NDUFS4: variants seen among roughly 807,000 people sequenced by gnomAD.
The protein encoded by NDUFS4 is NADH:ubiquinone oxidoreductase subunit S4.
Under a neutral mutation model 24.3 loss-of-function variants are expected in NDUFS4, and 28 were observed. The ratio of observed to expected loss-of-function variants is 1.15; its 90% CI spans 0.85 to 1.58. The LOEUF is 1.58. Among genes scored for constraint, NDUFS4 ranks in the 40% most tolerant of loss-of-function variants. The pLI is 0.00. For missense variants in NDUFS4, 223 were observed against 207.9 expected, an observed-to-expected ratio of 1.07 and a Z score of -0.45; for synonymous variants, 93 against 69.7, an observed-to-expected ratio of 1.34 and a Z score of -1.67.
At position 53,646,267 on chromosome 5, in the gene NDUFS4, A is replaced by G. The variant is rs745877002; in HGVS notation, c.212A>G (p.His71Arg). ...ITTLTGVPEE[H>R]IKTRKVRIFV... ...ACTTTAACTGGAGTTCCAGAAGAGC[A>G]TATAAAAACTAGAAAAGTCAGGATC... is the stretch of plus-strand genomic sequence containing the variant. The change falls in exon 3 of 5, where the codon CAT (histidine) becomes CGT (arginine). Residue 71 changes from histidine to arginine, a missense_variant. Coordinates refer to ENST00000296684, the MANE Select transcript of NDUFS4 (RefSeq NM_002495.4). 106 of 1,612,942 alleles carry G rather than the reference A, an allele frequency of 6.6e-5. No individual in the cohort carries two copies. The highest frequency in any genetic ancestry group is 8.6e-5 in the Non-Finnish European group (102 of 1,179,212).
chr5:53,591,461 T>TTG (rs1491299426), intron 1 of NDUFS4, among the ~76,000 whole-genome samples: 28 of 81,218 alleles, frequency 3.4e-4, no homozygotes, highest in African/African-American at 7.0e-4. Context: ...TTGTTTTTTT[T>TTG]GGGGGGGGGG....
At chr5:53,593,398 G>T (rs1361977298) in intron 1 of NDUFS4, among the ~76,000 whole-genome samples, 1 of 150,152 alleles carries the variant, frequency 6.7e-6, no homozygotes, top group African/African-American at 2.5e-5. Context: ...ATATATTAGG[G>T]CTTTGTCTCT....
intron 2 of NDUFS4, among the ~76,000 whole-genome samples, chr5:53,608,982 T>C (rs1750614257): frequency 2.0e-5 from 3 of 152,210 alleles, no homozygotes; most frequent in South Asian, 2.1e-4. Context: ...CTAGGTGCTC[T>C]CTGAATATTA....
chr5:53,678,411 C>T (rs934622807), intron 4 of NDUFS4, among the ~76,000 whole-genome samples: 3 of 152,092 alleles, frequency 2.0e-5, no homozygotes, highest in African/African-American at 7.2e-5. Flanking sequence ...GGCTACTCTC[C>T]TCTAGAAAGT....
chr5:53,669,334 G>T (rs1226846391), intron 4 of NDUFS4, among the ~76,000 whole-genome samples: 1 of 152,162 alleles, frequency 6.6e-6, no homozygotes, highest in Non-Finnish European at 1.5e-5. Flanking sequence ...AGTTTTGTCT[G>T]TGTTCCAACT....
chr5:53,598,136 T>A (rs1381354719), intron 1 of NDUFS4, among the ~76,000 whole-genome samples: 1 of 151,930 alleles, frequency 6.6e-6, no homozygotes, highest in Non-Finnish European at 1.5e-5. Flanking sequence ...GAGCAAGAAG[T>A]CTCATTTATT....
chr5:53,672,054 G>A (rs1484493080), intron 4 of NDUFS4, among the ~76,000 whole-genome samples: 1 of 152,104 alleles, frequency 6.6e-6, no homozygotes, highest in South Asian at 2.1e-4. Flanking sequence ...GTAGAAGCAC[G>A]GAAGGAAACA....
intron 1 of NDUFS4, among the ~76,000 whole-genome samples, chr5:53,565,408 G>A (rs1748987449): frequency 6.6e-6 from 1 of 152,176 alleles, no homozygotes; most frequent in African/African-American, 2.4e-5. Context: ...GAGGTCGCAA[G>A]CTTTTTGAGG....
rs548523698 is a variant in NDUFS4, at chr5:53,647,078, T to TTA, written c.350+683_350+684dup. Among the ~76,000 whole-genome samples, 10 of 151,232 alleles carry TTA rather than the reference T, an allele frequency of 6.6e-5. No homozygotes were observed. In the East Asian group the frequency reaches 1.4e-3, roughly 20 times the overall value. On this transcript the variant is annotated intron_variant, in intron 3 of 4. Coordinates refer to ENST00000296684, the MANE Select transcript of NDUFS4 (RefSeq NM_002495.4). ...ACAATAAACTTCTTTGTAATATATA[T>TTA]TATATATATATCTTTTTTCTTTGTA...
chr5:53,575,956 TGTG>T (rs1749373269), intron 1 of NDUFS4, among the ~76,000 whole-genome samples: 1 of 152,206 alleles, frequency 6.6e-6, no homozygotes, highest in South Asian at 2.1e-4. Context: ...TACATGTACT[TGTG>T]GTTGAAAATC....
At chr5:53,571,153 C>T (rs1369189413) in intron 1 of NDUFS4, among the ~76,000 whole-genome samples, 1 of 152,120 alleles carries the variant, frequency 6.6e-6, no homozygotes, top group African/African-American at 2.4e-5. Context: ...ACCAAAACCA[C>T]AATTTTAGAA....
chr5:53,580,787 TTC>T (rs768188147), intron 1 of NDUFS4, among the ~76,000 whole-genome samples: 1 of 150,668 alleles, frequency 6.6e-6, no homozygotes, highest in Non-Finnish European at 1.5e-5. Flanking sequence ...CTCTCTTTCT[TTC>T]TCTTTCTCTC....
chr5:53,580,890 A>G (rs890965960), intron 1 of NDUFS4, among the ~76,000 whole-genome samples: 3 of 148,844 alleles, frequency 2.0e-5, no homozygotes, highest in Non-Finnish European at 4.4e-5. Context: ...CTGGAGTGCA[A>G]TGGCACAGTC....
At chr5:53,683,049 C>T in intron 4 of NDUFS4, 69 bp from the exon 5 acceptor site, 2 of 1,011,670 alleles carry the variant, frequency 2.0e-6, no homozygotes, top group South Asian at 1.3e-5. Context: ...CTAGCCTCTG[C>T]TTGCTGTGCT....
At position 53,603,524 on chromosome 5, in the gene NDUFS4, A is replaced by C. The variant is rs1040260438; in HGVS notation, c.171A>C (p.Glu57Asp). 1 of 1,613,430 alleles carries C rather than the reference A, an allele frequency of 6.2e-7. No homozygotes were observed. The highest frequency in any genetic ancestry group is 8.5e-7 in the Non-Finnish European group (1 of 1,179,622). ...TQDTQLITVD[E>D]KLDITTLTGV... ...ACACACAACTCATAACAGTTGATGA[A>C]AAATTGGTAAGGATTTTCTACTACA... The change falls in exon 2 of 5, where the codon GAA (glutamate) becomes GAC (aspartate). Residue 57 changes from glutamate to aspartate, a missense_variant. By Grantham distance (45) the Glu-to-Asp change is conservative. Coordinates refer to ENST00000296684, the MANE Select transcript of NDUFS4 (RefSeq NM_002495.4).
chr5:53,603,420 A>T, intron 1 of NDUFS4, 32 bp from the exon 2 acceptor site: 1 of 1,542,406 alleles, frequency 6.5e-7, no homozygotes, highest in Non-Finnish European at 8.9e-7. Context: ...CATTGCCTGG[A>T]TCCTTTTTTA....
intron 1 of NDUFS4, among the ~76,000 whole-genome samples, chr5:53,577,357 A>G (rs1749420417): frequency 6.6e-6 from 1 of 152,116 alleles, no homozygotes; most frequent in East Asian, 1.9e-4. Context: ...GGGATGCTAG[A>G]GGATAATGGG....
intron 1 of NDUFS4, among the ~76,000 whole-genome samples, chr5:53,572,941 G>A (rs1250490235): frequency 6.7e-6 from 1 of 149,522 alleles, no homozygotes; most frequent in Non-Finnish European, 1.5e-5. Context: ...ACCGTGCCTG[G>A]CCTTTGTTGT....
At chr5:53,641,951 A>G (rs1751716601) in intron 2 of NDUFS4, among the ~76,000 whole-genome samples, 1 of 152,132 alleles carries the variant, frequency 6.6e-6, no homozygotes, top group South Asian at 2.1e-4. Flanking sequence ...AGTATTTTTA[A>G]TGTTTCAATA....
Sources: allele counts gnomAD v4.1 joint callset (sites outside exome capture counted in the v4.1 genomes callset), GRCh38; gene constraint gnomAD v4.1.1; transcripts MANE v1.5; gene names NCBI Gene and HGNC (gene_info 2026-07-23, HGNC 2026-07-21).